Variants in SUCO observed in about 807,000 individuals in gnomAD.
SUCO encodes the protein SUN domain-containing ossification factor.
SUCO carries 57 observed loss-of-function variants against 148.1 expected under a neutral mutation model. That is an observed-to-expected ratio of 0.38 (90% CI 0.31 to 0.48). The LOEUF (loss-of-function observed/expected upper bound fraction) is 0.48, where lower values mean the gene tolerates loss of function less well. SUCO is among the 20% of genes least tolerant of loss of function. The pLI, the probability that SUCO is intolerant of heterozygous loss-of-function variation, is 0.96. For synonymous variants in SUCO, 470 were observed against 502.7 expected, an observed-to-expected ratio of 0.93 and a Z score of 0.87; for missense variants, 1,331 against 1,468.2, an observed-to-expected ratio of 0.91 and a Z score of 1.53.
At chr1:172,591,418 A>G (rs1394887314) in intron 19 of SUCO, among the ~76,000 whole-genome samples, 4 of 124,800 alleles carry the variant, frequency 3.2e-5, no homozygotes, top group South Asian at 3.5e-4. Flanking sequence ...TCCTAATGCT[A>G]TCCCTCCCCC....
rs200787187 is a variant in SUCO at position 172,557,306 on chromosome 1, C to T, written c.470C>T (p.Pro157Leu). ...LDEIEKSGTI[P>L]IAKPSETEQS... The stretch of plus-strand genomic sequence containing the variant: ...GAAATAGAAAAATCTGGTACTATTC[C>T]GATAGCCAAACCAAGTGAAACTGAG... Residue 157 changes from proline to leucine, a missense_variant, in exon 5 of 24, where the codon CCG (proline) becomes CTG (leucine). By Grantham distance (98) the Pro-to-Leu change is moderately conservative. Transcript: ENST00000263688. 5.9e-5 allele frequency: 95 copies of T among 1,613,388 alleles called. No homozygotes were observed. The African/African-American group carries it at 8.7e-4, about 15-fold the overall frequency.
chr1:172,538,466 G>T lies in SUCO; in HGVS notation c.62+4969G>T, dbSNP rs73032191. On this transcript the variant is annotated intron_variant, in intron 1 of 23. Transcript: ENST00000263688. ...TATAAGCTGTTTTTTCTTTTTTGAG[G>T]TGATGAATAGAGCATATTGGAAACA... Among the ~76,000 whole-genome samples, 940 of 152,138 alleles carry T rather than the reference G, an allele frequency of 6.2e-3. 8 individuals are homozygous for T. Among genetic ancestry groups the T allele is most frequent in the African/African-American group, 0.021 (852 of 41,514 alleles).
At chr1:172,562,341 T>TA (rs202028937) in intron 6 of SUCO, among the ~76,000 whole-genome samples, 2,350 of 151,452 alleles carry the variant, frequency 0.016, 61 homozygotes, top group African/African-American at 0.054. Context: ...TTTTTTTTTT[T>TA]TTTTTTATTT....
chr1:172,553,084 A>C, intron 2 of SUCO, 176 bp from the exon 3 acceptor site: 1 of 301,484 alleles, frequency 3.3e-6, no homozygotes, highest in Non-Finnish European at 4.9e-6. Context: ...TGTTGTAGCA[A>C]TGAGGGGATT....
At chr1:172,547,774 G>T (rs1652972782) in intron 1 of SUCO, among the ~76,000 whole-genome samples, 1 of 152,080 alleles carries the variant, frequency 6.6e-6, no homozygotes, top group Non-Finnish European at 1.5e-5. Flanking sequence ...ATTGCAATGT[G>T]GACAGTAAAT....
chr1:172,581,465 T>C (rs897713979), intron 15 of SUCO, among the ~76,000 whole-genome samples: 1 of 152,184 alleles, frequency 6.6e-6, no homozygotes, highest in Non-Finnish European at 1.5e-5. Context: ...GTCATAAAAC[T>C]TTATAGACTT....
At position 172,590,399 on chromosome 1, in the gene SUCO, G is replaced by A. The variant is rs544372796; in HGVS notation, c.2825+473G>A. The A allele has an allele frequency of 9.5e-5, 93 of 979,188 alleles. No individual in the cohort carries two copies. The African/African-American group carries it at 1.4e-3, about 15-fold the overall frequency. The allele number at this position is 979,188 out of a possible 1,614,324, so 60.7% of individuals were successfully genotyped here. On this transcript the variant is annotated intron_variant, in intron 18 of 23. Coordinates refer to ENST00000263688, the MANE Select transcript of SUCO (RefSeq NM_014283.5). ...GTTTGCTCTCTTTTAAACAGGTCTC[G>A]GCATCCTAGTTCTAGTTGTAATAAT...
chr1:172,585,057 T>A lies in SUCO; in HGVS notation c.1538T>A (p.Leu513Gln). 1 of 1,605,858 alleles carries A rather than the reference T, an allele frequency of 6.2e-7. No individual in the cohort carries two copies. Among genetic ancestry groups the A allele is most frequent in the East Asian group, 2.3e-5 (1 of 44,406 alleles). ...ATGGTGAATATTGCTGCTAATATTC[T>A]GGGAGCAAAAACTGAAGACCTGACA... ...LNMVNIAANI[L>Q]GAKTEDLTEG... Residue 513 changes from leucine to glutamine, a missense_variant, in exon 16 of 24, where the codon CTG becomes CAG. Leu to Gln is a moderately radical substitution (Grantham distance 113). Transcript: ENST00000263688.
intron 19 of SUCO, among the ~76,000 whole-genome samples, chr1:172,596,826 G>T (rs1470770013): frequency 6.6e-6 from 1 of 152,214 alleles, no homozygotes; most frequent in East Asian, 1.9e-4. Context: ...GTCAGACGGG[G>T]ACGTTTAAGT....
At chr1:172,560,933 A>G (rs1328531716) in intron 6 of SUCO, among the ~76,000 whole-genome samples, 2 of 152,156 alleles carry the variant, frequency 1.3e-5, no homozygotes, top group East Asian at 3.9e-4. Context: ...TGCCAACTTG[A>G]GTCTATAGAG....
chr1:172,569,916 C>T, intron 7 of SUCO, 131 bp from the exon 8 acceptor site: 1 of 842,020 alleles, frequency 1.2e-6, no homozygotes, highest in Non-Finnish European at 1.6e-6. Flanking sequence ...TTAAAATATT[C>T]TCTCAAGTGT....
chr1:172,541,267 C>A (rs1398144109), intron 1 of SUCO, among the ~76,000 whole-genome samples: 1 of 151,948 alleles, frequency 6.6e-6, no homozygotes, highest in Non-Finnish European at 1.5e-5. Flanking sequence ...TAAATCACCT[C>A]TAGATACTTA....
chr1:172,570,759 A>G (rs764843354), intron 9 of SUCO, 29 bp downstream of exon 9: 2 of 1,306,864 alleles, frequency 1.5e-6, no homozygotes, highest in African/African-American at 1.5e-5. Context: ...TAAAAAGTAC[A>G]TTCTACATAT....
At chr1:172,578,417 AG>A (rs1265389452) in intron 14 of SUCO, 28 bp downstream of exon 14, 1 of 1,585,724 alleles carries the variant, frequency 6.3e-7, no homozygotes, top group South Asian at 1.1e-5. Flanking sequence ...GATGACTGTT[AG>A]GTATATTTTT....
At chr1:172,609,740 A>T in intron 23 of SUCO, 76 bp from the exon 24 acceptor site, 1 of 1,522,782 alleles carries the variant, frequency 6.6e-7, no homozygotes, top group Admixed American at 2.3e-5. Flanking sequence ...CTTCTCTATT[A>T]GCTCAGCTCT....
intron 1 of SUCO, among the ~76,000 whole-genome samples, chr1:172,540,530 G>C (rs1041158149): frequency 2.0e-5 from 3 of 152,146 alleles, no homozygotes; most frequent in Non-Finnish European, 4.4e-5. Context: ...AACATTCTAA[G>C]ATACTTGATT....
At chr1:172,557,815 A>C (rs746565346) in intron 6 of SUCO, 21 bp downstream of exon 6, 2 of 1,550,230 alleles carry the variant, frequency 1.3e-6, no homozygotes, top group African/African-American at 1.4e-5. Flanking sequence ...AACTTGCACT[A>C]TCTCTTACTT....
In SUCO at chr1:172,589,578, C is replaced by T. The variant is rs1445556155; in HGVS notation, c.2477C>T (p.Pro826Leu). 4 of 1,613,692 alleles carry T rather than the reference C, an allele frequency of 2.5e-6. No individual in the cohort carries two copies. Among genetic ancestry groups the T allele is most frequent in the Non-Finnish European group, 3.4e-6 (4 of 1,179,846 alleles). ...IFTKLSETIV[P>L]PINTATVPDN... is the part of the protein sequence containing the mutation. ...ACAAAGCTGTCTGAAACAATAGTGCCACCAATAAATACAGCCACTGTACCC... is the reference window on the plus strand; with the variant it reads ...ACAAAGCTGTCTGAAACAATAGTGCTACCAATAAATACAGCCACTGTACCC... Residue 826 changes from proline to leucine, a missense_variant, in exon 18 of 24, where the codon CCA (proline) becomes CTA (leucine). Pro to Leu is a moderately conservative substitution (Grantham distance 98). Transcript: ENST00000263688.
chr1:172,573,887 G>A lies in SUCO; in HGVS notation c.1050-4G>A, dbSNP rs775054046. ...TAAGTAATTGTCTTTTGTTCTTTTTGAAGGTTTGTTATTGAACTTTGTGAA... is the reference window on the plus strand; with the variant it reads ...TAAGTAATTGTCTTTTGTTCTTTTTAAAGGTTTGTTATTGAACTTTGTGAA... On this transcript the variant is annotated splice_region_variant and splice_polypyrimidine_tract_variant and intron_variant, in intron 9 of 23. Coordinates refer to ENST00000263688, the MANE Select transcript of SUCO (RefSeq NM_014283.5). 1 of 1,512,878 alleles carries A rather than the reference G, an allele frequency of 6.6e-7. No individual in the cohort carries two copies. The highest frequency in any genetic ancestry group is 9.1e-7 in the Non-Finnish European group (1 of 1,096,466). The allele number at this position is 1,512,878 out of a possible 1,614,324, so 93.7% of individuals were successfully genotyped here.
Sources: allele counts gnomAD v4.1 joint callset (sites outside exome capture counted in the v4.1 genomes callset), GRCh38; gene constraint gnomAD v4.1.1; transcripts MANE v1.5; gene names NCBI Gene and HGNC (gene_info 2026-07-23, HGNC 2026-07-21).